Variants in IGF1R observed in about 807,000 individuals in gnomAD.
IGF1R encodes the protein insulin-like growth factor 1 receptor.
In IGF1R, 44 loss-of-function variants were observed where a neutral mutation model predicts 144.6. The observed-to-expected ratio is 0.30, with a 90% confidence interval of 0.24 to 0.39. The LOEUF is 0.39. Ranked by LOEUF, IGF1R falls within the 10% of genes least tolerant of loss-of-function variation. The pLI is 1.00. For synonymous variants in IGF1R, 795 were observed against 722.8 expected, an observed-to-expected ratio of 1.10 and a Z score of -1.60; for missense variants, 1,355 against 1,833.7, an observed-to-expected ratio of 0.74 and a Z score of 4.77.
chr15:98,954,927 T>C (rs917125988), intron 20 of IGF1R, among the ~76,000 whole-genome samples: 18 of 152,212 alleles, frequency 1.2e-4, no homozygotes, highest in African/African-American at 4.3e-4. Context: ...AGGGAGGGTC[T>C]CCTGGTGGCC....
chr15:98,715,538 C>G (rs2054093329), intron 2 of IGF1R, among the ~76,000 whole-genome samples: 1 of 152,238 alleles, frequency 6.6e-6, no homozygotes, highest in South Asian at 2.1e-4. Context: ...GTTAATACCT[C>G]TGTCTTGCTT....
At chr15:98,783,371 A>G (rs1467937580) in intron 2 of IGF1R, among the ~76,000 whole-genome samples, 2 of 152,190 alleles carry the variant, frequency 1.3e-5, no homozygotes, top group Non-Finnish European at 2.9e-5. Flanking sequence ...ATAAAATTTT[A>G]TCATTTAATA....
intron 2 of IGF1R, among the ~76,000 whole-genome samples, chr15:98,762,242 T>TC (rs1415689039): frequency 4.4e-4 from 57 of 128,354 alleles, no homozygotes; most frequent in Admixed American, 1.2e-3. Flanking sequence ...TCTTTTCTTT[T>TC]TTTTTTTTTT....
chr15:98,880,105 G>C (rs765194528), intron 2 of IGF1R, among the ~76,000 whole-genome samples: 2 of 152,136 alleles, frequency 1.3e-5, no homozygotes, highest in Non-Finnish European at 2.9e-5. Context: ...CACTCTAAAT[G>C]GGTGAGTTAT....
chr15:98,762,048 G>C (rs779330878), intron 2 of IGF1R, among the ~76,000 whole-genome samples: 13 of 152,272 alleles, frequency 8.5e-5, no homozygotes, highest in Non-Finnish European at 1.8e-4. Flanking sequence ...TTGGGGGCCT[G>C]TATGATGTTC....
chr15:98,735,846 C>A (rs1251606249), intron 2 of IGF1R, among the ~76,000 whole-genome samples: 2 of 152,208 alleles, frequency 1.3e-5, no homozygotes, highest in African/African-American at 4.8e-5. Flanking sequence ...GCTCTAGAAG[C>A]CATGTACTGC....
intron 2 of IGF1R, among the ~76,000 whole-genome samples, chr15:98,827,164 CAAAT>C (rs2056909637): frequency 6.6e-6 from 1 of 152,094 alleles, no homozygotes; most frequent in African/African-American, 2.4e-5. Context: ...GAATGAATAA[CAAAT>C]AAACATGACA....
intron 2 of IGF1R, among the ~76,000 whole-genome samples, chr15:98,798,349 G>A (rs1035339433): frequency 6.6e-6 from 1 of 152,194 alleles, no homozygotes; most frequent in African/African-American, 2.4e-5. Context: ...GTGCATCTTG[G>A]TGGGGGATGG....
intron 2 of IGF1R, among the ~76,000 whole-genome samples, chr15:98,838,661 C>T (rs541376631): frequency 4.1e-4 from 62 of 152,282 alleles, no homozygotes; most frequent in Admixed American, 1.2e-3. Flanking sequence ...TAACCTTGCC[C>T]CACTCATCTT....
intron 2 of IGF1R, among the ~76,000 whole-genome samples, chr15:98,809,147 C>G (rs1439672421): frequency 6.6e-6 from 1 of 152,200 alleles, no homozygotes; most frequent in African/African-American, 2.4e-5. Flanking sequence ...GTCTGAGGCC[C>G]TTTGACACTC....
chr15:98,755,190 A>G (rs931671187), intron 2 of IGF1R, among the ~76,000 whole-genome samples: 4 of 152,044 alleles, frequency 2.6e-5, no homozygotes, highest in Non-Finnish European at 5.9e-5. Flanking sequence ...AATAGCCTCT[A>G]TATAGTCTTT....
At chr15:98,650,089 G>T (rs1356010886) in intron 1 of IGF1R, among the ~76,000 whole-genome samples, 1 of 152,134 alleles carries the variant, frequency 6.6e-6, no homozygotes, top group South Asian at 2.1e-4. Flanking sequence ...CGGCGCGCAG[G>T]CAGCAGCGAC....
chr15:98,659,797 A>G (rs1394096269), intron 1 of IGF1R, among the ~76,000 whole-genome samples: 1 of 152,216 alleles, frequency 6.6e-6, no homozygotes, highest in Non-Finnish European at 1.5e-5. Context: ...TTGGAAAAAT[A>G]CAGCAAGATT....
At chr15:98,788,062 C>CTGTGTGTGTGTGTG (rs59500414) in intron 2 of IGF1R, among the ~76,000 whole-genome samples, 5 of 131,030 alleles carry the variant, frequency 3.8e-5, no homozygotes, top group African/African-American at 1.5e-4. Context: ...CTCTCTCTCT[C>CTGTGTGTGTGTGTG]TGTGTGTGTG....
intron 2 of IGF1R, among the ~76,000 whole-genome samples, chr15:98,757,468 T>C (rs2055183256): frequency 6.6e-6 from 1 of 152,084 alleles, no homozygotes; most frequent in Non-Finnish European, 1.5e-5. Context: ...CGGGCCCCTT[T>C]TATAATTTTT....
intron 20 of IGF1R, among the ~76,000 whole-genome samples, chr15:98,949,695 T>G (rs182737660): frequency 6.0e-4 from 91 of 152,324 alleles, no homozygotes; most frequent in African/African-American, 2.0e-3. Flanking sequence ...GAAAAAACAC[T>G]TTGCAGCTTT....
chr15:98,881,824 G>A (rs902569347), intron 2 of IGF1R, among the ~76,000 whole-genome samples: 1 of 152,114 alleles, frequency 6.6e-6, no homozygotes, highest in African/African-American at 2.4e-5. Flanking sequence ...TCATTAGGGG[G>A]ATTAAATTAA....
intron 20 of IGF1R, among the ~76,000 whole-genome samples, chr15:98,953,899 CAGTT>C (rs964557943): frequency 1.3e-5 from 2 of 152,168 alleles, no homozygotes; most frequent in East Asian, 1.9e-4. Context: ...CGCTCCTGCT[CAGTT>C]AGCCCCAGTA....
intron 2 of IGF1R, among the ~76,000 whole-genome samples, chr15:98,758,025 G>A (rs761846151): frequency 3.3e-5 from 5 of 151,978 alleles, no homozygotes; most frequent in African/African-American, 7.3e-5. Context: ...TTGCATTTCC[G>A]CAATTTCTGC....
Sources: gnomAD v4.1 joint callset for allele counts (sites outside exome capture counted in the v4.1 genomes callset) on GRCh38, gnomAD v4.1.1 for gene constraint, MANE v1.5 for transcripts, NCBI Gene and HGNC (gene_info 2026-07-23, HGNC 2026-07-21) for gene names.